The following CNTN5 variants were observed in gnomAD, a reference collection of about 807,000 sequenced individuals.
CNTN5 encodes the protein contactin 5.
A neutral mutation model predicts 129.1 loss-of-function variants in CNTN5; 77 were observed. The observed-to-expected ratio is 0.60, with a 90% confidence interval of 0.50 to 0.72. The LOEUF is 0.72. Among genes scored for constraint, CNTN5 ranks in the 30% least tolerant of loss-of-function variants. The pLI is 0.00. For synonymous variants in CNTN5, 509 were observed against 465.6 expected (o/e 1.09, Z -1.20); for missense variants, 1,478 against 1,328.8 (o/e 1.11, Z -1.75).
intron 1 of CNTN5, among the ~76,000 whole-genome samples, chr11:99,202,732 CTG>C (rs1415601320): frequency 6.6e-6 from 1 of 151,188 alleles, no homozygotes; most frequent in African/African-American, 2.4e-5. Flanking sequence ...ATCTCAGTGA[CTG>C]TAAACATTGT....
At chr11:99,598,102 C>T (rs1950179392) in intron 3 of CNTN5, among the ~76,000 whole-genome samples, 1 of 151,966 alleles carries the variant, frequency 6.6e-6, no homozygotes, top group African/African-American at 2.4e-5. Flanking sequence ...AATATGATAC[C>T]AGTTTCCTTC....
At chr11:99,947,566 TATAAGA>T (rs1243878957) in intron 7 of CNTN5, among the ~76,000 whole-genome samples, 1 of 152,140 alleles carries the variant, frequency 6.6e-6, no homozygotes, top group African/African-American at 2.4e-5. Context: ...TTACATTGAA[TATAAGA>T]ATAAGTTGAG....
At chr11:99,699,067 T>A (rs1954401501) in intron 3 of CNTN5, among the ~76,000 whole-genome samples, 1 of 151,456 alleles carries the variant, frequency 6.6e-6, no homozygotes, top group Non-Finnish European at 1.5e-5. Context: ...TGGTATATCT[T>A]TCATGAAGAG....
At chr11:99,896,907 T>C (rs946492152) in intron 6 of CNTN5, among the ~76,000 whole-genome samples, 47 of 152,036 alleles carry the variant, frequency 3.1e-4, no homozygotes, top group African/African-American at 1.1e-3. Context: ...GTTAAAAACA[T>C]AAACCCCACA....
At chr11:99,696,540 T>G (rs1043908045) in intron 3 of CNTN5, among the ~76,000 whole-genome samples, 1 of 151,934 alleles carries the variant, frequency 6.6e-6, no homozygotes, top group Non-Finnish European at 1.5e-5. Flanking sequence ...TATAGATAAG[T>G]TGAGATGTTG....
chr11:100,237,811 G>C (rs1949653805), intron 16 of CNTN5, among the ~76,000 whole-genome samples: 3 of 152,104 alleles, frequency 2.0e-5, no homozygotes, highest in Admixed American at 1.3e-4. Context: ...TGATTTCATA[G>C]AACATTACAT....
At chr11:99,775,470 G>T (rs561457906) in intron 3 of CNTN5, among the ~76,000 whole-genome samples, 1 of 151,892 alleles carries the variant, frequency 6.6e-6, no homozygotes, top group Non-Finnish European at 1.5e-5. Flanking sequence ...AAAATATATT[G>T]TGATTAATGT....
intron 13 of CNTN5, among the ~76,000 whole-genome samples, chr11:100,158,336 T>TTAA (rs145342198): frequency 0.039 from 5,908 of 151,894 alleles, 361 homozygotes; most frequent in African/African-American, 0.13. Context: ...GTGACTGTAA[T>TTAA]TAATAATAAT....
chr11:99,248,810 T>C (rs945688723), intron 1 of CNTN5, among the ~76,000 whole-genome samples: 2 of 152,150 alleles, frequency 1.3e-5, no homozygotes, highest in Admixed American at 6.5e-5. Flanking sequence ...CTCAGTTCTG[T>C]TCCATTGGTC....
At chr11:100,116,676 A>G (rs1474397088) in intron 13 of CNTN5, among the ~76,000 whole-genome samples, 8 of 152,006 alleles carry the variant, frequency 5.3e-5, no homozygotes, top group Non-Finnish European at 1.0e-4. Context: ...GTATAATGAT[A>G]ATATAATATC....
At chr11:99,560,535 C>T (rs1948808510) in intron 3 of CNTN5, among the ~76,000 whole-genome samples, 1 of 152,052 alleles carries the variant, frequency 6.6e-6, no homozygotes, top group Non-Finnish European at 1.5e-5. Context: ...AGGTGATCCG[C>T]CTGCCTCGGC....
chr11:99,095,756 A>C lies in CNTN5; in HGVS notation c.-210+74486A>C, dbSNP rs377677850. Among the ~76,000 whole-genome samples the C allele has an allele frequency of 2.0e-4, 31 of 152,000 alleles. No individual in the cohort carries two copies. The East Asian group carries it at 3.5e-3, about 17-fold the overall frequency. ...AATTGGGACTGTAGTTTGGATAAAG[A>C]TTTAGCAGGCAAGCTGAGTATTTTG... On this transcript the variant is annotated intron_variant, in intron 1 of 24. Coordinates refer to ENST00000524871, the MANE Select transcript of CNTN5 (RefSeq NM_014361.4).
intron 3 of CNTN5, among the ~76,000 whole-genome samples, chr11:99,783,113 A>C (rs530113742): frequency 4.1e-4 from 38 of 92,850 alleles, no homozygotes; most frequent in African/African-American, 1.5e-3. Flanking sequence ...CAATGAACTC[A>C]AACAAATTTA....
intron 8 of CNTN5, among the ~76,000 whole-genome samples, chr11:99,960,099 T>C (rs61910569): frequency 6.6e-6 from 1 of 152,206 alleles, no homozygotes; most frequent in Non-Finnish European, 1.5e-5. Flanking sequence ...CATAAAATGC[T>C]AGAAAATATC....
At chr11:100,351,063 C>G (rs1194787678) in intron 24 of CNTN5, among the ~76,000 whole-genome samples, 193 bp downstream of exon 24, 1 of 151,568 alleles carries the variant, frequency 6.6e-6, no homozygotes, top group Non-Finnish European at 1.5e-5. Flanking sequence ...TTCTACAAAT[C>G]TAGAAAGGAG....
intron 8 of CNTN5, among the ~76,000 whole-genome samples, chr11:99,963,225 T>G (rs995846279): frequency 6.6e-6 from 1 of 152,202 alleles, no homozygotes; most frequent in Non-Finnish European, 1.5e-5. Context: ...AGACATGAAG[T>G]CCTTGCCCAT....
At chr11:99,724,802 C>T (rs1943284159) in intron 3 of CNTN5, among the ~76,000 whole-genome samples, 1 of 152,072 alleles carries the variant, frequency 6.6e-6, no homozygotes, top group Admixed American at 6.6e-5. Context: ...GAGTGAATGT[C>T]CCCTTGTGTT....
At chr11:100,353,033 G>A (rs987007635) in intron 24 of CNTN5, among the ~76,000 whole-genome samples, 2 of 151,308 alleles carry the variant, frequency 1.3e-5, no homozygotes, top group East Asian at 3.9e-4. Context: ...ACTCTCTAAG[G>A]TTACTTTCAA....
intron 1 of CNTN5, among the ~76,000 whole-genome samples, chr11:99,289,840 C>T (rs1397580315): frequency 1.3e-5 from 2 of 151,724 alleles, no homozygotes; most frequent in Non-Finnish European, 3.0e-5. Flanking sequence ...AATTTGGTAA[C>T]ACTTAGCAAG....
Sources: allele counts gnomAD v4.1 joint callset (sites outside exome capture counted in the v4.1 genomes callset), GRCh38; gene constraint gnomAD v4.1.1; transcripts MANE v1.5; gene names NCBI Gene and HGNC (gene_info 2026-07-23, HGNC 2026-07-21).